NEGR1: variants seen among roughly 807,000 people sequenced by gnomAD.
NEGR1 encodes the protein neuronal growth regulator 1.
Under a neutral mutation model 40.9 loss-of-function variants are expected in NEGR1, and 10 were observed. The observed-to-expected ratio is 0.24, with a 90% confidence interval of 0.15 to 0.42. The LOEUF (loss-of-function observed/expected upper bound fraction) is 0.42. Ranked by LOEUF, NEGR1 falls within the 10% of genes least tolerant of loss-of-function variation. NEGR1 has a pLI of 1.00. For missense variants in NEGR1, 352 were observed against 438.9 expected, an observed-to-expected ratio of 0.80 and a Z score of 1.77; for synonymous variants, 185 against 166.8, an observed-to-expected ratio of 1.11 and a Z score of -0.84.
rs146611883 is a variant in NEGR1, at chr1:72,056,607, TAA to T, written c.177-121298_177-121297del. Reference sequence around the variant, plus strand: ...GATATGAATATCAACAGATTCGCACTAAGTTACTATTTTAAGAAACAAATGTC... The same window carrying T: ...GATATGAATATCAACAGATTCGCACTGTTACTATTTTAAGAAACAAATGTC... On this transcript the variant is annotated intron_variant, in intron 1 of 6. Coordinates refer to ENST00000357731, the MANE Select transcript of NEGR1 (RefSeq NM_173808.3). Among the ~76,000 whole-genome samples the T allele has an allele frequency of 5.9e-3, 893 of 151,624 alleles. 5 individuals are homozygous for T. The highest frequency in any genetic ancestry group is 0.02 in the African/African-American group (846 of 41,474).
At chr1:71,973,394 T>C (rs1646275097) in intron 1 of NEGR1, among the ~76,000 whole-genome samples, 1 of 151,686 alleles carries the variant, frequency 6.6e-6, no homozygotes, top group South Asian at 2.1e-4. Flanking sequence ...AGCACCTTGA[T>C]TTTGGACTTT....
chr1:71,997,863 C>A (rs529119119), intron 1 of NEGR1, among the ~76,000 whole-genome samples: 8 of 152,070 alleles, frequency 5.3e-5, no homozygotes, highest in Admixed American at 2.0e-4. Context: ...TAATCTCCAG[C>A]ATTTTTGCCA....
intron 6 of NEGR1, among the ~76,000 whole-genome samples, chr1:71,591,044 A>C (rs1649481926): frequency 6.6e-6 from 1 of 152,154 alleles, no homozygotes; most frequent in African/African-American, 2.4e-5. Flanking sequence ...AGACAAAATA[A>C]AAATGCTTAG....
At chr1:71,695,677 C>T (rs1181245761) in intron 4 of NEGR1, among the ~76,000 whole-genome samples, 1 of 151,786 alleles carries the variant, frequency 6.6e-6, no homozygotes, top group African/African-American at 2.4e-5. Context: ...CAGCTCCCAT[C>T]TTGTGTTAGA....
At chr1:71,433,109 T>C (rs1646480362) in intron 6 of NEGR1, among the ~76,000 whole-genome samples, 1 of 152,190 alleles carries the variant, frequency 6.6e-6, no homozygotes, top group African/African-American at 2.4e-5. Context: ...GTGTGTTCCC[T>C]TTTGCCCTTC....
At chr1:71,454,018 C>G (rs1468206802) in intron 6 of NEGR1, among the ~76,000 whole-genome samples, 1 of 152,200 alleles carries the variant, frequency 6.6e-6, no homozygotes, top group East Asian at 1.9e-4. Context: ...AGTGGTTTTA[C>G]ATTTTTCTTC....
At chr1:71,582,983 T>C (rs1330581080) in intron 6 of NEGR1, among the ~76,000 whole-genome samples, 2 of 152,164 alleles carry the variant, frequency 1.3e-5, no homozygotes, top group Non-Finnish European at 1.5e-5. Context: ...GGCTTCCCTA[T>C]TCAGAGGCTG....
chr1:72,274,655 C>T (rs1472259384), intron 1 of NEGR1: 16 of 870,984 alleles, frequency 1.8e-5, no homozygotes, highest in Non-Finnish European at 2.0e-6. Flanking sequence ...AGGCTAAGTG[C>T]TATTTATGGA....
At chr1:72,018,154 ATTTG>A (rs1183274650) in intron 1 of NEGR1, among the ~76,000 whole-genome samples, 5 of 152,170 alleles carry the variant, frequency 3.3e-5, no homozygotes, top group Non-Finnish European at 5.9e-5. Context: ...GATGGTTCAT[ATTTG>A]TTTATATATT....
At chr1:71,674,281 T>A (rs1326584193) in intron 4 of NEGR1, among the ~76,000 whole-genome samples, 1 of 152,152 alleles carries the variant, frequency 6.6e-6, no homozygotes, top group East Asian at 1.9e-4. Context: ...AGTCAAAGAA[T>A]GAGTCATGTA....
At chr1:72,151,015 A>G (rs547347858) in intron 1 of NEGR1, among the ~76,000 whole-genome samples, 22 of 152,134 alleles carry the variant, frequency 1.4e-4, no homozygotes, top group African/African-American at 5.3e-4. Flanking sequence ...GAAAGGAAAA[A>G]TGAAAAAAGA....
Position 71,773,917 on chromosome 1 carries a change from G to A in NEGR1, c.535+2255C>T, listed in dbSNP as rs777413683. ...CAAGCACTTTTAAAAAGAAGAATGT[G>A]CATAATAACAAGCACTGCAAAGCAG... On this transcript the variant is annotated intron_variant, in intron 3 of 6. Transcript: ENST00000357731. Among the ~76,000 whole-genome samples, 62 of 152,032 alleles carry A rather than the reference G, an allele frequency of 4.1e-4. 1 individual carries two copies. Among genetic ancestry groups the A allele is most frequent in the Non-Finnish European group, 1.0e-4 (7 of 67,986 alleles).
intron 1 of NEGR1, among the ~76,000 whole-genome samples, chr1:72,145,157 C>T (rs1251400909): frequency 6.6e-6 from 1 of 151,964 alleles, no homozygotes; most frequent in Non-Finnish European, 1.5e-5. Flanking sequence ...GAAAAAAATT[C>T]AGTGAAATTA....
chr1:71,932,309 T>G (rs1205061173), intron 2 of NEGR1, among the ~76,000 whole-genome samples: 1 of 152,044 alleles, frequency 6.6e-6, no homozygotes, highest in South Asian at 2.1e-4. Flanking sequence ...TTTTTTTTTG[T>G]TGTTGTCATT....
intron 1 of NEGR1, among the ~76,000 whole-genome samples, chr1:72,071,397 A>G (rs1647455752): frequency 6.6e-6 from 1 of 152,136 alleles, no homozygotes; most frequent in Admixed American, 6.6e-5. Context: ...ATTTAATGGC[A>G]ATATTAGTAG....
chr1:72,163,512 A>G (rs1651663148), intron 1 of NEGR1, among the ~76,000 whole-genome samples: 1 of 152,148 alleles, frequency 6.6e-6, no homozygotes, highest in Non-Finnish European at 1.5e-5. Flanking sequence ...CAAGTAAAGC[A>G]AATGGAGACA....
At chr1:72,052,122 T>C (rs116792617) in intron 1 of NEGR1, among the ~76,000 whole-genome samples, 3,719 of 151,498 alleles carry the variant, frequency 0.025, 148 homozygotes, top group African/African-American at 0.085. Context: ...AACTATTTTA[T>C]CCAAGTTGCT....
intron 2 of NEGR1, among the ~76,000 whole-genome samples, chr1:71,790,188 C>T (rs146580383): frequency 1.3e-5 from 2 of 152,216 alleles, no homozygotes; most frequent in East Asian, 3.9e-4. Context: ...GGACAAGTTG[C>T]TCACATAGCC....
At chr1:71,773,778 C>T (rs1434986448) in intron 3 of NEGR1, among the ~76,000 whole-genome samples, 1 of 151,136 alleles carries the variant, frequency 6.6e-6, no homozygotes, top group African/African-American at 2.4e-5. Flanking sequence ...AATCTATGCA[C>T]AGTTTAACTT....
Sources: allele counts gnomAD v4.1 joint callset (sites outside exome capture counted in the v4.1 genomes callset), GRCh38; gene constraint gnomAD v4.1.1; transcripts MANE v1.5; gene names NCBI Gene and HGNC (gene_info 2026-07-23, HGNC 2026-07-21).